Variants in NT5M observed in about 807,000 individuals in gnomAD.
The protein encoded by NT5M is 5',3'-nucleotidase, mitochondrial, also known as 5'(3')-deoxyribonucleotidase, mitochondrial.
NT5M carries 22 observed loss-of-function variants against 22.2 expected under a neutral mutation model. The ratio of observed to expected loss-of-function variants is 0.99; its 90% confidence interval spans 0.71 to 1.41. NT5M has a LOEUF of 1.41. NT5M is among the 40% of genes most tolerant of loss of function. The probability of loss-of-function intolerance (pLI) is 0.00; values close to 1 mark genes in which losing one functional copy is unlikely to be tolerated. For missense variants in NT5M, 322 were observed against 314.8 expected (o/e 1.02, Z -0.17); for synonymous variants, 167 against 133.0 (o/e 1.26, Z -1.76).
At chr17:17,322,537 C>T (rs930815812) in intron 2 of NT5M, among the ~76,000 whole-genome samples, 19 of 152,144 alleles carry the variant, frequency 1.2e-4, no homozygotes, top group African/African-American at 4.3e-4. Context: ...TTGAGGGACG[C>T]GTTTGCCAGA....
At chr17:17,308,412 T>G (rs990810007) in intron 2 of NT5M, among the ~76,000 whole-genome samples, 14 of 151,608 alleles carry the variant, frequency 9.2e-5, no homozygotes, top group African/African-American at 2.7e-4. Context: ...GCCAACATGG[T>G]GAAACCCCAT....
rs967337704 is a variant in NT5M at position 17,327,358 on chromosome 17, T to G, written c.429+4113T>G. Among the ~76,000 whole-genome samples, 8 of 101,242 alleles carry G rather than the reference T, an allele frequency of 7.9e-5. 2 individuals are homozygous for G. The highest frequency in any genetic ancestry group is 2.7e-4 in the African/African-American group (8 of 29,204). The allele number at this position is 101,242 out of a possible 152,430, so 66.4% of individuals were successfully genotyped here. A position where few individuals can be genotyped will look rare whatever the true frequency, so the allele number is the denominator to read the frequency against. ...TCAGAAACATGATTTTTTTTTTTTT[T>G]TGTGAGACAGGGTCCAGCTCTGTGG... On this transcript the variant is annotated intron_variant, in intron 3 of 4. Transcript: ENST00000389022.
At chr17:17,339,196 T>A (rs2049588268) in intron 3 of NT5M, among the ~76,000 whole-genome samples, 1 of 152,226 alleles carries the variant, frequency 6.6e-6, no homozygotes, top group African/African-American at 2.4e-5. Flanking sequence ...AGTGTAGAGC[T>A]CTTTCACTTG....
intron 3 of NT5M, among the ~76,000 whole-genome samples, chr17:17,334,802 C>T (rs2049469781): frequency 6.6e-6 from 1 of 152,144 alleles, no homozygotes; most frequent in Admixed American, 6.5e-5. Context: ...CTTTTGAAAG[C>T]AGTGTGAGTT....
chr17:17,315,544 A>G (rs757374855), intron 2 of NT5M, among the ~76,000 whole-genome samples: 1 of 152,126 alleles, frequency 6.6e-6, no homozygotes, highest in Non-Finnish European at 1.5e-5. Context: ...GTAAGAATGA[A>G]TGGGCCAGTG....
chr17:17,344,601 C>T (rs2049718442), intron 3 of NT5M, among the ~76,000 whole-genome samples, 193 bp from the exon 4 acceptor site: 1 of 152,162 alleles, frequency 6.6e-6, no homozygotes, highest in South Asian at 2.1e-4. Flanking sequence ...CATGTGCGCT[C>T]CCTGAGTGCT....
chr17:17,319,199 G>A (rs1389887787), intron 2 of NT5M, among the ~76,000 whole-genome samples: 1 of 143,884 alleles, frequency 7.0e-6, no homozygotes, highest in African/African-American at 2.5e-5. Flanking sequence ...GGGCAAGAGT[G>A]AGACCTCGTC....
intron 2 of NT5M, among the ~76,000 whole-genome samples, chr17:17,314,936 G>T: frequency 6.6e-6 from 1 of 152,120 alleles, no homozygotes; most frequent in South Asian, 2.1e-4. Context: ...ATGACCCTGA[G>T]TGTGTACTCT....
At chr17:17,340,551 G>A (rs1367192842) in intron 3 of NT5M, among the ~76,000 whole-genome samples, 1 of 150,148 alleles carries the variant, frequency 6.7e-6, no homozygotes, top group East Asian at 1.9e-4. Flanking sequence ...TTTTGAGATG[G>A]AGCCTTGCTC....
intron 2 of NT5M, among the ~76,000 whole-genome samples, chr17:17,314,563 C>A (rs1042661714): frequency 2.1e-4 from 32 of 152,282 alleles, no homozygotes; most frequent in South Asian, 1.0e-3. Flanking sequence ...AAACCAAATT[C>A]AGATGATGTT....
At chr17:17,329,137 C>T (rs1354434438) in intron 3 of NT5M, among the ~76,000 whole-genome samples, 2 of 152,112 alleles carry the variant, frequency 1.3e-5, no homozygotes, top group African/African-American at 4.8e-5. Context: ...GCTACCACGC[C>T]GAGCTAATTT....
chr17:17,317,968 A>C (rs1419955777), intron 2 of NT5M, among the ~76,000 whole-genome samples: 1 of 116,332 alleles, frequency 8.6e-6, no homozygotes, highest in African/African-American at 2.8e-5. Context: ...TGATCAAAAA[A>C]AAAAAAAAAA....
chr17:17,322,881 A>G (rs961593118), intron 2 of NT5M, among the ~76,000 whole-genome samples: 6 of 152,208 alleles, frequency 3.9e-5, no homozygotes, highest in Non-Finnish European at 7.3e-5. Flanking sequence ...GGGGACTTGC[A>G]TGCCAGAATC....
chr17:17,333,662 C>G (rs1305846619), intron 3 of NT5M: 1 of 151,682 alleles, frequency 6.6e-6, no homozygotes, highest in Non-Finnish European at 1.5e-5. Flanking sequence ...GGTTATGATC[C>G]ATTTGTTTTT....
rs1567892140 is a variant in NT5M at position 17,327,075 on chromosome 17, C to CCAGAAACATGATTGT, written c.429+3830_429+3831insCAGAAACATGATTGT. On this transcript the variant is annotated intron_variant, in intron 3 of 4. Transcript: ENST00000389022. ...TACAGGTGTGCGCCACCACACCCGGCTAATTTTTTTTTGTATTTTTAGTAG... is the reference window on the plus strand; with the variant it reads ...TACAGGTGTGCGCCACCACACCCGGCCAGAAACATGATTGTTAATTTTTTTTTGTATTTTTAGTAG... Among the ~76,000 whole-genome samples the CCAGAAACATGATTGT allele has an allele frequency of 1.5e-3, 157 of 107,094 alleles. 11 individuals are homozygous for CCAGAAACATGATTGT. Among genetic ancestry groups the CCAGAAACATGATTGT allele is most frequent in the Non-Finnish European group, 1.9e-3 (92 of 48,856 alleles). 70.3% of individuals were successfully genotyped at this position (107,094 alleles called of 152,430 possible). A position where few individuals can be genotyped will look rare whatever the true frequency, so the allele number is the denominator to read the frequency against.
intron 2 of NT5M, among the ~76,000 whole-genome samples, chr17:17,310,736 G>T (rs1292290965): frequency 7.2e-6 from 1 of 139,822 alleles, no homozygotes; most frequent in Non-Finnish European, 1.5e-5. Flanking sequence ...TACTTGGGAG[G>T]CTGAAGTGGG....
intron 2 of NT5M, among the ~76,000 whole-genome samples, chr17:17,317,088 C>T (rs1422216578): frequency 1.4e-5 from 2 of 139,580 alleles, no homozygotes; most frequent in African/African-American, 2.7e-5. Flanking sequence ...CTCGCTCTGT[C>T]GCCCAGGCTG....
chr17:17,305,022 A>G (rs995759972), intron 1 of NT5M, among the ~76,000 whole-genome samples: 5 of 152,054 alleles, frequency 3.3e-5, no homozygotes, highest in African/African-American at 9.7e-5. Context: ...TAAACTGGAG[A>G]AAATGCCCTG....
intron 3 of NT5M, among the ~76,000 whole-genome samples, chr17:17,334,976 AT>A (rs1451733622): frequency 1.3e-5 from 2 of 152,140 alleles, no homozygotes; most frequent in Non-Finnish European, 2.9e-5. Flanking sequence ...GGGTCTTCTG[AT>A]CCACAAGCAC....
Sources: gnomAD v4.1 joint callset for allele counts (sites outside exome capture counted in the v4.1 genomes callset) on GRCh38, gnomAD v4.1.1 for gene constraint, MANE v1.5 for transcripts, NCBI Gene and HGNC (gene_info 2026-07-23, HGNC 2026-07-21) for gene names.